The following GAPVD1 variants were observed in gnomAD, a reference collection of about 807,000 sequenced individuals.
The protein encoded by GAPVD1 is GTPase-activating protein and VPS9 domain-containing protein 1.
Under a neutral mutation model 155.5 loss-of-function variants are expected in GAPVD1, and 35 were observed. The ratio of observed to expected loss-of-function variants is 0.23; its 90% CI spans 0.17 to 0.30. GAPVD1 has a LOEUF of 0.30. Among genes scored for constraint, GAPVD1 ranks in the 10% least tolerant of loss-of-function variants. The probability of loss-of-function intolerance (pLI) is 1.00; values close to 1 mark genes in which losing one functional copy is unlikely to be tolerated. For synonymous variants in GAPVD1, 636 were observed against 619.7 expected, an observed-to-expected ratio of 1.03 and a Z score of -0.39; for missense variants, 1,429 against 1,775.7, an observed-to-expected ratio of 0.80 and a Z score of 3.51.
intron 18 of GAPVD1, 184 bp from the exon 19 acceptor site, chr9:125,342,035 A>G (rs955507702): frequency 1.9e-6 from 1 of 532,768 alleles, no homozygotes; most frequent in African/African-American, 1.9e-5. Flanking sequence ...ACTCCGAAGC[A>G]GGTTCTGAAA....
intron 2 of GAPVD1, among the ~76,000 whole-genome samples, chr9:125,272,269 G>T (rs188702860): frequency 1.3e-5 from 2 of 152,196 alleles, no homozygotes; most frequent in East Asian, 3.9e-4. Context: ...TGATCCACCC[G>T]CCTCGGCCTC....
chr9:125,293,575 G>A (rs1838945905), intron 2 of GAPVD1, among the ~76,000 whole-genome samples: 1 of 73,504 alleles, frequency 1.4e-5, no homozygotes, highest in Non-Finnish European at 2.9e-5. Flanking sequence ...TCAGCCTCCC[G>A]AGTAGCTGGG....
At chr9:125,347,033 G>A (rs1434438297) in intron 20 of GAPVD1, 92 bp downstream of exon 20, 1 of 1,269,584 alleles carries the variant, frequency 7.9e-7, no homozygotes, top group Non-Finnish European at 1.1e-6. Context: ...AGAAAGAATA[G>A]CTAAGGGAGT....
intron 6 of GAPVD1, among the ~76,000 whole-genome samples, chr9:125,307,035 G>A (rs1009693266): frequency 2.6e-5 from 4 of 151,994 alleles, no homozygotes; most frequent in African/African-American, 7.2e-5. Context: ...GGAGGCCGAG[G>A]CGGGTGGATC....
At chr9:125,288,257 G>A (rs541764324) in intron 2 of GAPVD1, among the ~76,000 whole-genome samples, 2 of 151,684 alleles carry the variant, frequency 1.3e-5, no homozygotes, top group South Asian at 2.1e-4. Flanking sequence ...ATTTATAGGC[G>A]CGCACCACCA....
chr9:125,276,574 A>G (rs532245171), intron 2 of GAPVD1, among the ~76,000 whole-genome samples: 79 of 152,260 alleles, frequency 5.2e-4, no homozygotes, highest in African/African-American at 1.7e-3. Flanking sequence ...CTGTAGTCCC[A>G]GCTACTCAGT....
At chr9:125,283,656 C>A (rs367756351) in intron 2 of GAPVD1, among the ~76,000 whole-genome samples, 1 of 152,030 alleles carries the variant, frequency 6.6e-6, no homozygotes, top group Non-Finnish European at 1.5e-5. Flanking sequence ...AGACACCACA[C>A]CTGGCCTTAC....
At chr9:125,322,127 C>T (rs1284274676) in intron 10 of GAPVD1, among the ~76,000 whole-genome samples, 2 of 151,982 alleles carry the variant, frequency 1.3e-5, no homozygotes, top group Admixed American at 1.3e-4. Context: ...TGCAGTGTCG[C>T]AATCTCGGCT....
intron 12 of GAPVD1, among the ~76,000 whole-genome samples, chr9:125,328,627 G>A (rs943472231): frequency 6.7e-6 from 1 of 150,160 alleles, no homozygotes; most frequent in African/African-American, 2.5e-5. Context: ...GCAACCATCC[G>A]ATTTCTCAAT....
At chr9:125,324,462 G>A (rs1169266823) in intron 11 of GAPVD1, among the ~76,000 whole-genome samples, 1 of 152,120 alleles carries the variant, frequency 6.6e-6, no homozygotes, top group Admixed American at 6.6e-5. Context: ...GGTGGCACAT[G>A]CCTGTAATCC....
chr9:125,291,708 G>A (rs1375316070), intron 2 of GAPVD1, among the ~76,000 whole-genome samples: 1 of 152,084 alleles, frequency 6.6e-6, no homozygotes, highest in African/African-American at 2.4e-5. Context: ...GTGTGAAAGT[G>A]GACCCATAGT....
chr9:125,294,011 C>T (rs1206531971), intron 2 of GAPVD1, among the ~76,000 whole-genome samples: 6 of 149,422 alleles, frequency 4.0e-5, no homozygotes, highest in African/African-American at 1.5e-4. Flanking sequence ...CTCCTGGCTT[C>T]AAGCGATTCT....
At chr9:125,308,347 CAAA>C (rs5900650) in intron 8 of GAPVD1, 2 of 133,750 alleles carry the variant, frequency 1.5e-5, no homozygotes, top group Non-Finnish European at 1.6e-5. Flanking sequence ...GACCCTATCT[CAAA>C]AAAAAAAAAA....
chr9:125,302,714 G>C lies in GAPVD1; in HGVS notation c.917G>C (p.Cys306Ser). 1 of 1,614,108 alleles carries C rather than the reference G, an allele frequency of 6.2e-7. No homozygotes were observed. The highest frequency in any genetic ancestry group is 8.5e-7 in the Non-Finnish European group (1 of 1,179,996). The change falls in exon 5 of 28, where the codon TGT (cysteine) becomes TCT (serine). Residue 306 changes from cysteine (C) to serine (S), a missense_variant. Physicochemically the swap from Cys to Ser is moderately radical, Grantham distance 112 (BLOSUM62 -1). This residue lies in a region of GAPVD1 where 628 missense variants were observed against 733.4 expected (regional missense o/e 0.86). Transcript: ENST00000297933. ...RLEVGEVRAM[C>S]TDLLLACFIC... Reference sequence around the variant, plus strand: ...GAAGTTGGGGAGGTCAGGGCAATGTGTACTGATCTCCTGTTGGCCTGCTTC... The same window carrying C: ...GAAGTTGGGGAGGTCAGGGCAATGTCTACTGATCTCCTGTTGGCCTGCTTC...
intron 9 of GAPVD1, 151 bp downstream of exon 9, chr9:125,312,763 C>T: frequency 1.8e-6 from 1 of 555,324 alleles, no homozygotes; most frequent in Non-Finnish European, 3.1e-6. Context: ...AAGGCAGATT[C>T]AGTGTCTTGT....
chr9:125,305,453 A>G (rs926909463), intron 6 of GAPVD1, among the ~76,000 whole-genome samples: 3 of 148,214 alleles, frequency 2.0e-5, no homozygotes, highest in Non-Finnish European at 4.4e-5. Flanking sequence ...GCTCACTGCA[A>G]CCTCTGCCTC....
At chr9:125,285,066 C>T (rs761893505) in intron 2 of GAPVD1, among the ~76,000 whole-genome samples, 5 of 152,126 alleles carry the variant, frequency 3.3e-5, no homozygotes, top group Admixed American at 6.6e-5. Context: ...CAGGGGTTGG[C>T]AGAGTTTTTC....
chr9:125,307,568 GAGAATTTCTCGAA>G (rs1156283679), intron 7 of GAPVD1, 21 bp downstream of exon 7: 6 of 1,601,336 alleles, frequency 3.7e-6, no homozygotes, highest in Admixed American at 1.7e-5. Flanking sequence ...CATTGTTTAA[GAGAATTTCTCGAA>G]AGTCTTTTAG....
Position 125,332,583 on chromosome 9 carries a change from G to T in GAPVD1, c.2382G>T (p.Gly794=). 1 of 1,608,810 alleles carries T rather than the reference G, an allele frequency of 6.2e-7. No individual in the cohort carries two copies. The highest frequency in any genetic ancestry group is 1.1e-5 in the South Asian group (1 of 90,796). ...GATCTGAGTGCAGCTCTGATTTTGG[G>T]GGTAAAGATTCTGTCACTAGTCCAG... ...DLRSECSSDF[G]GKDSVTSPDM... Residue 794 remains glycine (G), a synonymous_variant, in exon 15 of 28, where the codon GGG becomes GGT. Coordinates refer to ENST00000297933, the MANE Select transcript of GAPVD1 (RefSeq NM_001282680.3).
Sources: allele counts gnomAD v4.1 joint callset (sites outside exome capture counted in the v4.1 genomes callset), GRCh38; gene constraint gnomAD v4.1.1; regional missense constraint gnomAD v4.1.1; transcripts MANE v1.5; gene names NCBI Gene and HGNC (gene_info 2026-07-23, HGNC 2026-07-21).